Variants in TMBIM4 observed in about 807,000 individuals in gnomAD.
TMBIM4 encodes transmembrane BAX inhibitor motif containing 4, also known as protein lifeguard 4.
A neutral mutation model predicts 27.7 loss-of-function variants in TMBIM4; 28 were observed. The ratio of observed to expected loss-of-function variants is 1.01; its 90% confidence interval spans 0.75 to 1.38. TMBIM4 has a LOEUF of 1.38. Ranked by LOEUF, TMBIM4 falls within the 40% of genes most tolerant of loss-of-function variation. The pLI is 0.00. For missense variants in TMBIM4, 265 were observed against 277.5 expected, an observed-to-expected ratio of 0.95 and a Z score of 0.32; for synonymous variants, 115 against 113.1, an observed-to-expected ratio of 1.02 and a Z score of -0.11.
At chr12:66,153,697 A>G (rs2051889165) in intron 1 of TMBIM4, among the ~76,000 whole-genome samples, 1 of 152,136 alleles carries the variant, frequency 6.6e-6, no homozygotes, top group African/African-American at 2.4e-5. Flanking sequence ...CAAAATGTAA[A>G]TGTTTTCATC....
intron 5 of TMBIM4, among the ~76,000 whole-genome samples, chr12:66,140,209 G>A (rs1257881369): frequency 1.3e-5 from 2 of 152,086 alleles, no homozygotes; most frequent in South Asian, 4.1e-4. Flanking sequence ...ATGATAGAAT[G>A]CATAGACAAT....
chr12:66,164,849 CA>C (rs2052099338), intron 1 of TMBIM4, among the ~76,000 whole-genome samples: 1 of 152,082 alleles, frequency 6.6e-6, no homozygotes, highest in Non-Finnish European at 1.5e-5. Flanking sequence ...CTAAAGATTC[CA>C]TAAACTGTTA....
At chr12:66,143,699 C>T (rs1486824041) in intron 5 of TMBIM4, among the ~76,000 whole-genome samples, 1 of 152,182 alleles carries the variant, frequency 6.6e-6, no homozygotes, top group African/African-American at 2.4e-5. Flanking sequence ...TACTACCATA[C>T]ATCCAAACAT....
chr12:66,167,550 A>C (rs538544266), intron 1 of TMBIM4, among the ~76,000 whole-genome samples: 36 of 152,358 alleles, frequency 2.4e-4, no homozygotes, highest in African/African-American at 8.4e-4. Context: ...CCAAAAGGAC[A>C]TACCACCTCA....
intron 5 of TMBIM4, among the ~76,000 whole-genome samples, chr12:66,141,642 C>A (rs773760260): frequency 6.6e-6 from 1 of 151,366 alleles, no homozygotes; most frequent in African/African-American, 2.4e-5. Context: ...AAAACATATA[C>A]GATGCTAACA....
chr12:66,169,608 A>G, intron 1 of TMBIM4: 1 of 456,928 alleles, frequency 2.2e-6, no homozygotes, highest in Non-Finnish European at 3.8e-6. Context: ...GGGCGCACAC[A>G]GGACAGCCGC....
intron 1 of TMBIM4, among the ~76,000 whole-genome samples, chr12:66,158,962 A>C (rs1464908833): frequency 6.6e-6 from 1 of 152,194 alleles, no homozygotes; most frequent in African/African-American, 2.4e-5. Flanking sequence ...AGCTTCAACA[A>C]CACCTGGGGT....
chr12:66,155,360 GGC>G (rs2051917680), intron 1 of TMBIM4, among the ~76,000 whole-genome samples: 2 of 150,064 alleles, frequency 1.3e-5, no homozygotes, highest in Non-Finnish European at 1.5e-5. Context: ...GAGAGAGAGA[GGC>G]AGGGTCTCAC....
rs74097902 is a variant in TMBIM4 at position 66,167,244 on chromosome 12, G to A, written c.97+2611C>T. Among the ~76,000 whole-genome samples the A allele has an allele frequency of 8.8e-3, 1,344 of 152,218 alleles. 13 individuals are homozygous for A. The highest frequency in any genetic ancestry group is 0.031 in the African/African-American group (1,270 of 41,524). ...TACAACACTAAGAGCGAACCTTAAC[G>A]TAAACCTTGGTCTTGGGTGATAATG... On this transcript the variant is annotated intron_variant, in intron 1 of 6. Coordinates refer to ENST00000358230, the MANE Select transcript of TMBIM4 (RefSeq NM_016056.4).
chr12:66,139,393 A>G (rs2051630047), intron 5 of TMBIM4, among the ~76,000 whole-genome samples: 1 of 152,352 alleles, frequency 6.6e-6, no homozygotes, highest in Admixed American at 6.5e-5. Flanking sequence ...CAGAGGCCAC[A>G]TTTATCCTCC....
chr12:66,148,454 C>T (rs2051787525), intron 3 of TMBIM4, among the ~76,000 whole-genome samples: 1 of 152,170 alleles, frequency 6.6e-6, no homozygotes, highest in South Asian at 2.1e-4. Flanking sequence ...TCCTTTGCAA[C>T]TCTAGGTCTG....
intron 5 of TMBIM4, chr12:66,139,646 G>T: frequency 2.2e-6 from 1 of 456,024 alleles, no homozygotes; most frequent in South Asian, 1.5e-5. Flanking sequence ...GCTAGAATTT[G>T]CAGGGCAGAA....
In TMBIM4 at chr12:66,145,948, A is replaced by G. The variant is rs764080636; in HGVS notation, c.357T>C (p.Tyr119=). 21 of 1,528,114 alleles carry G rather than the reference A, an allele frequency of 1.4e-5. No homozygotes were observed. Among genetic ancestry groups the G allele is most frequent in the Non-Finnish European group, 4.5e-6 (5 of 1,111,050 alleles). 94.7% of individuals were successfully genotyped at this position (1,528,114 alleles called of 1,614,324 possible). ...ALTVAVVVTF[Y]DVYIILQAFI... Reference sequence around the variant, plus strand: ...AAGCTTGCAGAATAATATATACATCATAGAAAGTAACTGTAAAATTAAAAC... The same window carrying G: ...AAGCTTGCAGAATAATATATACATCGTAGAAAGTAACTGTAAAATTAAAAC... Residue 119 remains tyrosine (Y), a synonymous_variant, in exon 5 of 7, where the codon TAT becomes TAC. Coordinates refer to ENST00000358230, the MANE Select transcript of TMBIM4 (RefSeq NM_016056.4).
At chr12:66,148,503 G>C (rs12581033) in intron 3 of TMBIM4, among the ~76,000 whole-genome samples, 11,685 of 152,176 alleles carry the variant, frequency 0.077, 1,031 homozygotes, top group East Asian at 0.51. Flanking sequence ...ATGTGACTAA[G>C]ATAGGAATTC....
chr12:66,167,951 G>A (rs997222982), intron 1 of TMBIM4, among the ~76,000 whole-genome samples: 1 of 152,174 alleles, frequency 6.6e-6, no homozygotes, highest in Admixed American at 6.5e-5. Context: ...CAGGTGCAGT[G>A]GCTCATGCCT....
In TMBIM4 at chr12:66,137,896, C is replaced by T; in HGVS notation, c.*64G>A. The T allele has an allele frequency of 7.1e-7, 1 of 1,403,602 alleles. No individual in the cohort carries two copies. Among genetic ancestry groups the T allele is most frequent in the Non-Finnish European group, 1.0e-6 (1 of 1,000,714 alleles). 86.9% of individuals were successfully genotyped at this position (1,403,602 alleles called of 1,614,324 possible). ...AGTTTCTATATACTGCTTCCAATTACTTTAATCCTTTTTTCTCATTAAATT... is the reference window on the plus strand; with the variant it reads ...AGTTTCTATATACTGCTTCCAATTATTTTAATCCTTTTTTCTCATTAAATT... On this transcript the variant is annotated 3_prime_UTR_variant, in exon 7 of 7. Coordinates refer to ENST00000358230, the MANE Select transcript of TMBIM4 (RefSeq NM_016056.4).
intron 1 of TMBIM4, among the ~76,000 whole-genome samples, chr12:66,157,481 T>A (rs956798396): frequency 6.6e-6 from 1 of 152,212 alleles, no homozygotes; most frequent in Non-Finnish European, 1.5e-5. Context: ...AGATAATGTT[T>A]ATTCTTTTAA....
intron 3 of TMBIM4, among the ~76,000 whole-genome samples, chr12:66,149,444 CAAAA>C (rs61425460): frequency 4.0e-5 from 3 of 74,512 alleles, no homozygotes; most frequent in African/African-American, 1.2e-4. Context: ...GACCCTGTCT[CAAAA>C]AAAAAAAAAA....
intron 1 of TMBIM4, chr12:66,169,578 C>G: frequency 2.2e-6 from 1 of 453,466 alleles, no homozygotes; most frequent in Non-Finnish European, 3.9e-6. Flanking sequence ...TCCTACACCG[C>G]GGCGCCCGCT....
Sources: allele counts gnomAD v4.1 joint callset (sites outside exome capture counted in the v4.1 genomes callset), GRCh38; gene constraint gnomAD v4.1.1; transcripts MANE v1.5; gene names NCBI Gene and HGNC (gene_info 2026-07-23, HGNC 2026-07-21).